TRRAP: variants seen among roughly 807,000 people sequenced by gnomAD.
The protein encoded by TRRAP is transformation/transcription domain associated protein.
Under a neutral mutation model 438.8 loss-of-function variants are expected in TRRAP, and 41 were observed. That is an observed-to-expected ratio of 0.09 (90% CI 0.07 to 0.12). The LOEUF is 0.12. Ranked by LOEUF, TRRAP falls within the 10% of genes least tolerant of loss-of-function variation. The pLI, the probability that TRRAP is intolerant of heterozygous loss-of-function variation, is 1.00. For missense variants in TRRAP, 3,122 were observed against 5,055.1 expected (o/e 0.62, Z 11.60); for synonymous variants, 1,994 against 1,962.9 (o/e 1.02, Z -0.42).
chr7:98,981,260 G>T (rs373840133), intron 58 of TRRAP, among the ~76,000 whole-genome samples: 2 of 152,196 alleles, frequency 1.3e-5, no homozygotes, highest in African/African-American at 4.8e-5. Flanking sequence ...AAATTATCTG[G>T]GCATGGTGGC....
At chr7:98,949,983 G>C in intron 37 of TRRAP, 81 bp from the exon 38 acceptor site, 1 of 1,586,050 alleles carries the variant, frequency 6.3e-7, no homozygotes, top group Non-Finnish European at 8.6e-7. Context: ...GTGTCTCTGA[G>C]CTGTTTAAAG....
intron 5 of TRRAP, among the ~76,000 whole-genome samples, 179 bp downstream of exon 5, chr7:98,892,707 T>C (rs1436657117): frequency 1.3e-5 from 2 of 152,268 alleles, no homozygotes; most frequent in African/African-American, 4.8e-5. Flanking sequence ...GAAAGATTAC[T>C]TAATTGAAAA....
At chr7:98,893,691 A>C (rs1430479510) in intron 5 of TRRAP, 107 bp from the exon 6 acceptor site, 7 of 997,960 alleles carry the variant, frequency 7.0e-6, no homozygotes, top group African/African-American at 1.6e-5. Context: ...ATTTTCAGCA[A>C]ATCCAATAGT....
intron 30 of TRRAP, among the ~76,000 whole-genome samples, chr7:98,941,899 TAGAGA>T (rs1166721446): frequency 1.3e-5 from 2 of 152,184 alleles, no homozygotes; most frequent in African/African-American, 4.8e-5. Flanking sequence ...AGGCTTGTCT[TAGAGA>T]AGAGTTTTTA....
rs116396841 is a variant in TRRAP at position 98,915,712 on chromosome 7, C to T, written c.2200-11C>T. ...TAGATGCCACTAATCTGCGTCTTCT[C>T]CACCCCGCAGCCTCACTTGCACAAG... On this transcript the variant is annotated splice_polypyrimidine_tract_variant and intron_variant, in intron 18 of 72. Coordinates refer to ENST00000456197, the MANE Select transcript of TRRAP (RefSeq NM_001375524.1). The T allele has an allele frequency of 1.9e-6, 3 of 1,612,320 alleles. No homozygotes were observed. The highest frequency in any genetic ancestry group is 1.1e-5 in the South Asian group (1 of 90,936).
intron 4 of TRRAP, among the ~76,000 whole-genome samples, chr7:98,891,267 A>G (rs1426319338): frequency 1.4e-5 from 2 of 138,824 alleles, no homozygotes; most frequent in East Asian, 4.2e-4. Context: ...GCTGGAGTGC[A>G]GTGGCACGAA....
intron 24 of TRRAP, among the ~76,000 whole-genome samples, 200 bp downstream of exon 24, chr7:98,930,406 G>A (rs1256161336): frequency 3.3e-5 from 5 of 152,188 alleles, no homozygotes; most frequent in East Asian, 3.9e-4. Flanking sequence ...GAGAAACCCC[G>A]TCTCTACTAA....
At position 99,004,432 on chromosome 7, in the gene TRRAP, G is replaced by T; in HGVS notation, c.10535+17G>T. ...GATTGCACGGTGAGTGGGCCAGCCT[G>T]GCAGGTGGAACTAACCCACGGCGCC... On this transcript the variant is annotated intron_variant, in intron 68 of 72. Coordinates refer to ENST00000456197, the MANE Select transcript of TRRAP (RefSeq NM_001375524.1). The T allele has an allele frequency of 6.2e-7, 1 of 1,607,946 alleles. No individual in the cohort carries two copies. The highest frequency in any genetic ancestry group is 8.5e-7 in the Non-Finnish European group (1 of 1,175,692).
At chr7:98,991,713 A>G (rs1319920117) in intron 64 of TRRAP, among the ~76,000 whole-genome samples, 1 of 152,250 alleles carries the variant, frequency 6.6e-6, no homozygotes, top group Non-Finnish European at 1.5e-5. Flanking sequence ...GCAGTTAGGC[A>G]GAATAAAGTT....
rs1269630087 is a variant in TRRAP, at chr7:98,956,652, C to T, written c.6231+119C>T. The stretch of plus-strand genomic sequence containing the variant: ...TGCATTCAGGAGAGGAAGCTGGGAA[C>T]AGCCACGGTCACCAGATTGAAACTC... On this transcript the variant is annotated intron_variant, in intron 43 of 72. Coordinates refer to ENST00000456197, the MANE Select transcript of TRRAP (RefSeq NM_001375524.1). This position sits in a 1 kb window ranked among gnomAD's most constrained non-coding sequence, Gnocchi z 4.5. The T allele has an allele frequency of 3.4e-6, 5 of 1,467,034 alleles. No individual in the cohort carries two copies. The highest frequency in any genetic ancestry group is 4.7e-5 in the Admixed American group (2 of 42,734). The allele number at this position is 1,467,034 out of a possible 1,614,324, so 90.9% of individuals were successfully genotyped here. A position where few individuals can be genotyped will look rare whatever the true frequency, so the allele number is the denominator to read the frequency against.
chr7:98,964,622 A>T lies in TRRAP; in HGVS notation c.6830-7A>T. 6.2e-7 allele frequency: 1 copy of T among 1,603,438 alleles called. No individual in the cohort carries two copies. Among genetic ancestry groups the T allele is most frequent in the Non-Finnish European group, 8.5e-7 (1 of 1,177,030 alleles). ...CTGTGAAACACTTGGCAATTTCTAC[A>T]TTTTAGGGACCCTTATGATCCTCAA... On this transcript the variant is annotated splice_polypyrimidine_tract_variant and splice_region_variant and intron_variant, in intron 47 of 72. Coordinates refer to ENST00000456197, the MANE Select transcript of TRRAP (RefSeq NM_001375524.1).
Position 98,956,294 on chromosome 7 carries a change from A to C in TRRAP, c.6086A>C (p.Lys2029Thr), listed in dbSNP as rs144569333. The C allele has an allele frequency of 2.5e-6, 4 of 1,614,240 alleles. No individual in the cohort carries two copies. Among genetic ancestry groups the C allele is most frequent in the Non-Finnish European group, 3.4e-6 (4 of 1,180,028 alleles). ...ATCAAGTGGGAGCTGCAGAGGATCA[A>C]GGACCAGCAGGTAGGGGTGTCAGCC... is the stretch of plus-strand genomic sequence containing the variant. ...VVIKWELQRIKDQQPDSDMDP... is the reference protein window; with the variant it reads ...VVIKWELQRITDQQPDSDMDP... Residue 2029 changes from lysine to threonine, a missense_variant, in exon 42 of 73, where the codon AAG (lysine) becomes ACG (threonine). Transcript: ENST00000456197. The surrounding 1 kb of genome is among the most constrained non-coding windows in gnomAD (Gnocchi z 4.5).
chr7:98,970,376 G>A (rs1792357565), intron 52 of TRRAP, 85 bp downstream of exon 52: 4 of 1,503,520 alleles, frequency 2.7e-6, no homozygotes, highest in Non-Finnish European at 3.6e-6. Context: ...GAGGAGGTGA[G>A]ACCCCGTGCC....
At chr7:98,895,860 A>T (rs1180053541) in intron 7 of TRRAP, 40 bp downstream of exon 7, 21 of 1,496,772 alleles carry the variant, frequency 1.4e-5, no homozygotes, top group Admixed American at 2.0e-5. Context: ...ACATTTGTTT[A>T]TACTTCCTTA....
At chr7:98,960,525 C>T (rs1192525027) in intron 45 of TRRAP, among the ~76,000 whole-genome samples, 1 of 152,176 alleles carries the variant, frequency 6.6e-6, no homozygotes, top group Non-Finnish European at 1.5e-5. Flanking sequence ...GTGCTTCCAT[C>T]ATCTGTTAGT....
chr7:98,962,586 C>T (rs1031955982), intron 47 of TRRAP, among the ~76,000 whole-genome samples, 159 bp downstream of exon 47: 7 of 152,208 alleles, frequency 4.6e-5, no homozygotes, highest in Non-Finnish European at 4.4e-5. Context: ...TCAAGGCCGC[C>T]GTCTCCTGTA....
Position 98,903,907 on chromosome 7 carries a change from G to C in TRRAP, c.1036+390G>C, listed in dbSNP as rs570903548. Among the ~76,000 whole-genome samples, 5 of 151,872 alleles carry C rather than the reference G, an allele frequency of 3.3e-5. No individual in the cohort carries two copies. In the East Asian group the frequency reaches 9.7e-4, roughly 30 times the overall value. On this transcript the variant is annotated intron_variant, in intron 12 of 72. Transcript: ENST00000456197. ...TTTTTAAAACCATCAGATCTTAGCC[G>C]GGCACGGTTCTCGTGCCTCAGCCTC...
At chr7:98,965,639 G>A in intron 48 of TRRAP, 57 bp from the exon 49 acceptor site, 2 of 1,608,004 alleles carry the variant, frequency 1.2e-6, no homozygotes, top group Non-Finnish European at 1.7e-6. Flanking sequence ...CTTAGTGGCT[G>A]CCTGTTTAAA....
intron 12 of TRRAP, among the ~76,000 whole-genome samples, chr7:98,904,771 T>C (rs1431008561): frequency 6.6e-6 from 1 of 152,218 alleles, no homozygotes; most frequent in Non-Finnish European, 1.5e-5. Flanking sequence ...TGAAGCCTTT[T>C]AGTAGTTCCT....
Sources: gnomAD v4.1 joint callset for allele counts (sites outside exome capture counted in the v4.1 genomes callset) on GRCh38, gnomAD v4.1.1 for gene constraint, Gnocchi (gnomAD v3.1) non-coding constraint, MANE v1.5 for transcripts, NCBI Gene and HGNC (gene_info 2026-07-23, HGNC 2026-07-21) for gene names.